The following CEND1 variants were observed in gnomAD, a reference collection of about 807,000 sequenced individuals.
CEND1 encodes cell cycle exit and neuronal differentiation 1.
CEND1 carries 1 observed loss-of-function variant against 4.4 expected under a neutral mutation model. The observed-to-expected ratio is 0.23, with a 90% CI of 0.08 to 1.09. The LOEUF is 1.09. Among genes scored for constraint, CEND1 ranks in the 50% least tolerant of loss-of-function variants. The pLI, the probability that CEND1 is intolerant of heterozygous loss-of-function variation, is 0.55. For synonymous variants in CEND1, 109 were observed against 93.0 expected, an observed-to-expected ratio of 1.17 and a Z score of -0.99; for missense variants, 213 against 201.2, an observed-to-expected ratio of 1.06 and a Z score of -0.35.
intron 1 of CEND1, among the ~76,000 whole-genome samples, chr11:789,175 C>T (rs1026560402): frequency 2.6e-5 from 4 of 152,144 alleles, no homozygotes; most frequent in Non-Finnish European, 5.9e-5. Context: ...GGGGCAGGAG[C>T]TGGGATCTCA....
In CEND1 at chr11:788,340, C is replaced by CT. The variant is rs745541141; in HGVS notation, c.236dup (p.Pro80AlafsTer26). ...GACTGCTGGGGACCGTGGGGGCTGG[C>CT]TTCAGGTTGCTGTGGTTGTTGAGAA... On this transcript the variant is annotated frameshift_variant, in exon 2 of 2. Coordinates refer to ENST00000330106, the MANE Select transcript of CEND1 (RefSeq NM_016564.4). LOFTEE classifies it high-confidence loss of function. 3.7e-6 allele frequency: 6 copies of CT among 1,604,124 alleles called. No individual in the cohort carries two copies. In the South Asian group the frequency reaches 6.6e-5, roughly 18 times the overall value.
chr11:789,006 C>T (rs905084684), intron 1 of CEND1, among the ~76,000 whole-genome samples: 2 of 152,198 alleles, frequency 1.3e-5, no homozygotes, highest in Non-Finnish European at 2.9e-5. Context: ...CCAGAGAACT[C>T]GAAGGAAGAG....
chr11:789,410 TAAAC>T (rs1460457981), intron 1 of CEND1, among the ~76,000 whole-genome samples: 3 of 152,216 alleles, frequency 2.0e-5, no homozygotes, highest in African/African-American at 7.2e-5. Context: ...TTCCTGGCGT[TAAAC>T]AGGGTGGGCA....
At position 788,391 on chromosome 11, in the gene CEND1, C is replaced by G. The variant is rs778127221; in HGVS notation, c.186G>C (p.Lys62Asn). 6.3e-7 allele frequency: 1 copy of G among 1,594,278 alleles called. No individual in the cohort carries two copies. Among genetic ancestry groups the G allele is most frequent in the Non-Finnish European group, 8.6e-7 (1 of 1,167,554 alleles). The change falls in exon 2 of 2, where the codon AAG becomes AAC. Residue 62 changes from lysine (K) to asparagine (N), a missense_variant. Physicochemically the swap from Lys to Asn is moderately conservative, Grantham distance 94. Transcript: ENST00000330106. ...PAAPTTAPAK[K>N]TSAKADPALL... ...GGGCAGGGTCGGCCTTGGCCGAGGT[C>G]TTCTTGGCAGGTGCCGTGGTGGGGG...
At chr11:789,109 C>T (rs1462461538) in intron 1 of CEND1, among the ~76,000 whole-genome samples, 4 of 152,090 alleles carry the variant, frequency 2.6e-5, no homozygotes, top group Non-Finnish European at 4.4e-5. Flanking sequence ...CAGAGATGGA[C>T]ACTAAAGCAC....
rs1206158594 is a variant in CEND1 at position 788,335 on chromosome 11, G to A, written c.242C>T (p.Ala81Val). ...ATCGGGACTGCTGGGGACCGTGGGG[G>A]CTGGCTTCAGGTTGCTGTGGTTGTT... Reference protein sequence around the residue: ...LLNNHSNLKPAPTVPSSPDAT... With the variant: ...LLNNHSNLKPVPTVPSSPDAT... The change falls in exon 2 of 2, where the codon GCC becomes GTC. Residue 81 changes from alanine to valine, a missense_variant. Coordinates refer to ENST00000330106, the MANE Select transcript of CEND1 (RefSeq NM_016564.4). 1.1e-5 allele frequency: 18 copies of A among 1,605,314 alleles called. No homozygotes were observed. Among genetic ancestry groups the A allele is most frequent in the Non-Finnish European group, 1.4e-5 (17 of 1,173,746 alleles).
At chr11:788,721 C>T (rs1864394840) in intron 1 of CEND1, 63 bp from the exon 2 acceptor site, 1 of 688,946 alleles carries the variant, frequency 1.5e-6, no homozygotes, top group Non-Finnish European at 2.1e-6. Flanking sequence ...CCCCGACCAC[C>T]TGGTCCCCAG....
chr11:789,961 C>T (rs1864426314), intron 1 of CEND1, 69 bp downstream of exon 1: 1 of 152,892 alleles, frequency 6.5e-6, no homozygotes, highest in Non-Finnish European at 1.5e-5. Context: ...GGCCCGGAGC[C>T]GCCTCCTCGC....
Position 787,831 on chromosome 11 carries a change from G to T in CEND1, c.*296C>A, listed in dbSNP as rs919723237. ...AGGATCACCCAGCCGCCAGGGGTGGGGGGGGCCACACACAGGGTCCATTCC... is the reference window on the plus strand; with the variant it reads ...AGGATCACCCAGCCGCCAGGGGTGGTGGGGGCCACACACAGGGTCCATTCC... On this transcript the variant is annotated 3_prime_UTR_variant, in exon 2 of 2. Coordinates refer to ENST00000330106, the MANE Select transcript of CEND1 (RefSeq NM_016564.4). 4 of 242,838 alleles carry T rather than the reference G, an allele frequency of 1.6e-5. No individual in the cohort carries two copies. Among genetic ancestry groups the T allele is most frequent in the Non-Finnish European group, 1.6e-5 (2 of 127,670 alleles). The allele number at this position is 242,838 out of a possible 1,614,324, so 15.0% of individuals were successfully genotyped here. A position where few individuals can be genotyped will look rare whatever the true frequency, so the allele number is the denominator to read the frequency against.
At position 788,359 on chromosome 11, in the gene CEND1, T is replaced by C; in HGVS notation, c.218A>G (p.Asn73Ser). 6.2e-7 allele frequency: 1 copy of C among 1,602,268 alleles called. No homozygotes were observed. Among genetic ancestry groups the C allele is most frequent in the Non-Finnish European group, 8.5e-7 (1 of 1,171,592 alleles). ...TSAKADPALL[N>S]NHSNLKPAPT... ...GGCTGGCTTCAGGTTGCTGTGGTTG[T>C]TGAGAAGGGCAGGGTCGGCCTTGGC... The change falls in exon 2 of 2, where the codon AAC becomes AGC. Residue 73 changes from asparagine (N) to serine (S), a missense_variant. Physicochemically the swap from Asn to Ser is conservative, Grantham distance 46. Coordinates refer to ENST00000330106, the MANE Select transcript of CEND1 (RefSeq NM_016564.4).
rs1249754986 is a variant in CEND1, at chr11:788,590, T to C, written c.-14A>G. 2.7e-6 allele frequency: 4 copies of C among 1,504,002 alleles called. No individual in the cohort carries two copies. Among genetic ancestry groups the C allele is most frequent in the Non-Finnish European group, 3.5e-6 (4 of 1,128,868 alleles). The allele number at this position is 1,504,002 out of a possible 1,614,324, so 93.2% of individuals were successfully genotyped here. The stretch of plus-strand genomic sequence containing the variant: ...TCTGGACTCCATGGTGGGCGGGGCG[T>C]ATGGGACAGGCAGGTGGCTGCACCA... On this transcript the variant is annotated 5_prime_UTR_variant, in exon 2 of 2. In the 5' UTR this introduces an upstream ATG that the reference lacks. Transcript: ENST00000330106.
chr11:788,860 C>G (rs1590113870), intron 1 of CEND1, among the ~76,000 whole-genome samples: 1 of 152,170 alleles, frequency 6.6e-6, no homozygotes, highest in Non-Finnish European at 1.5e-5. Context: ...GCCCCTCCAG[C>G]CGCAGAGGCA....
rs750882653 is a variant in CEND1 at position 788,511 on chromosome 11, G to A, written c.66C>T (p.Thr22=). Residue 22 remains threonine (T), a synonymous_variant, in exon 2 of 2, where the codon ACC becomes ACT. Coordinates refer to ENST00000330106, the MANE Select transcript of CEND1 (RefSeq NM_016564.4). ...CGGCTGCCGGGGGTACCTTGGCCTC[G>A]GTGGTGACCTGGGGCACCTTGGTGT... ...KPDTKVPQVT[T]EAKVPPAADG... 30 of 1,529,028 alleles carry A rather than the reference G, an allele frequency of 2.0e-5. No individual in the cohort carries two copies. In the South Asian group the frequency reaches 2.4e-4, roughly 12 times the overall value. The allele number at this position is 1,529,028 out of a possible 1,614,324, so 94.7% of individuals were successfully genotyped here. A position where few individuals can be genotyped will look rare whatever the true frequency, so the allele number is the denominator to read the frequency against.
At position 788,104 on chromosome 11, in the gene CEND1, G is replaced by GC. The variant is rs1374728952; in HGVS notation, c.*22dup. ...GGGTCTGTACAGGAAGTGGCTCCGT[G>GC]CCCCCCGCCTGGCCCCCAGGTATTA... On this transcript the variant is annotated 3_prime_UTR_variant, in exon 2 of 2. Coordinates refer to ENST00000330106, the MANE Select transcript of CEND1 (RefSeq NM_016564.4). The GC allele has an allele frequency of 4.7e-6, 7 of 1,496,730 alleles. No individual in the cohort carries two copies. Among genetic ancestry groups the GC allele is most frequent in the Admixed American group, 2.3e-5 (1 of 43,648 alleles). 92.7% of individuals were successfully genotyped at this position (1,496,730 alleles called of 1,614,324 possible). A position where few individuals can be genotyped will look rare whatever the true frequency, so the allele number is the denominator to read the frequency against.
Position 787,891 on chromosome 11 carries a change from C to T in CEND1, c.*236G>A. 1 of 364,784 alleles carries T rather than the reference C, an allele frequency of 2.7e-6. No individual in the cohort carries two copies. Among genetic ancestry groups the T allele is most frequent in the Non-Finnish European group, 4.9e-6 (1 of 204,502 alleles). 22.6% of individuals were successfully genotyped at this position (364,784 alleles called of 1,614,324 possible). A position where few individuals can be genotyped will look rare whatever the true frequency, so the allele number is the denominator to read the frequency against. On this transcript the variant is annotated 3_prime_UTR_variant, in exon 2 of 2. Transcript: ENST00000330106. ...GTTCCCCAGCTGTGCCCTCGCCCCACATCCTGTGCTGTGGACCCCGGAGCC... is the reference window on the plus strand; with the variant it reads ...GTTCCCCAGCTGTGCCCTCGCCCCATATCCTGTGCTGTGGACCCCGGAGCC...
chr11:787,921 C>T lies in CEND1; in HGVS notation c.*206G>A, dbSNP rs1461357475. The T allele has an allele frequency of 2.2e-5, 9 of 406,054 alleles. No individual in the cohort carries two copies. Among genetic ancestry groups the T allele is most frequent in the Non-Finnish European group, 3.0e-5 (7 of 231,370 alleles). The allele number at this position is 406,054 out of a possible 1,614,324, so 25.2% of individuals were successfully genotyped here. ...TGTGCTGTGGACCCCGGAGCCTGGG[C>T]TCTTTCTGCCCTGGAGGTTGGGGAA... On this transcript the variant is annotated 3_prime_UTR_variant, in exon 2 of 2. Transcript: ENST00000330106.
rs1309874443 is a variant in CEND1, at chr11:788,107, C to T, written c.*20G>A. 2.0e-6 allele frequency: 3 copies of T among 1,504,920 alleles called. No individual in the cohort carries two copies. The African/African-American group carries it at 4.2e-5, about 21-fold the overall frequency. The allele number at this position is 1,504,920 out of a possible 1,614,324, so 93.2% of individuals were successfully genotyped here. On this transcript the variant is annotated 3_prime_UTR_variant, in exon 2 of 2. Transcript: ENST00000330106. The stretch of plus-strand genomic sequence containing the variant: ...TCTGTACAGGAAGTGGCTCCGTGCC[C>T]CCCGCCTGGCCCCCAGGTATTATTT...
rs1864380530 is a variant in CEND1 at position 788,050 on chromosome 11, G to A, written c.*77C>T. 6.1e-6 allele frequency: 7 copies of A among 1,138,518 alleles called. No individual in the cohort carries two copies. In the East Asian group the frequency reaches 1.6e-4, roughly 26 times the overall value. The allele number at this position is 1,138,518 out of a possible 1,614,324, so 70.5% of individuals were successfully genotyped here. On this transcript the variant is annotated 3_prime_UTR_variant, in exon 2 of 2. Transcript: ENST00000330106. ...AATGTGCGTGTGTACGAATAGGTAA[G>A]GGTGAACTCTGCATGCACTGGCTTC... is the stretch of plus-strand genomic sequence containing the variant.
intron 1 of CEND1, 77 bp downstream of exon 1, chr11:789,953 C>T (rs1265210456): frequency 6.5e-6 from 1 of 153,028 alleles, no homozygotes; most frequent in African/African-American, 2.4e-5. Flanking sequence ...ACCTTCAAGG[C>T]CCGGAGCCGC....
Sources: allele counts gnomAD v4.1 joint callset (sites outside exome capture counted in the v4.1 genomes callset), GRCh38; gene constraint gnomAD v4.1.1; transcripts MANE v1.5; gene names NCBI Gene and HGNC (gene_info 2026-07-23, HGNC 2026-07-21).